UBN2: variants seen among roughly 807,000 people sequenced by gnomAD.
The protein encoded by UBN2 is ubinuclein-2.
In UBN2, 35 loss-of-function variants were observed where a neutral mutation model predicts 120.2. The ratio of observed to expected loss-of-function variants is 0.29; its 90% confidence interval spans 0.22 to 0.39. The LOEUF (loss-of-function observed/expected upper bound fraction) is 0.39, where lower values mean the gene tolerates loss of function less well. Among genes scored for constraint, UBN2 ranks in the 10% least tolerant of loss-of-function variants. The pLI is 1.00. For missense variants in UBN2, 1,693 were observed against 1,663.2 expected (o/e 1.02, Z -0.31); for synonymous variants, 661 against 648.7 (o/e 1.02, Z -0.29).
the UBN2 span, among the ~76,000 whole-genome samples, chr7:139,317,146 C>T: frequency 1.3e-5 from 2 of 151,808 alleles, no homozygotes; most frequent in African/African-American, 2.4e-5. Flanking sequence ...GTTTGATGTT[C>T]CACAAGACCT....
the UBN2 span, among the ~76,000 whole-genome samples, chr7:139,321,380 C>T: frequency 1.3e-5 from 2 of 152,204 alleles, no homozygotes; most frequent in Non-Finnish European, 2.9e-5. Context: ...TTCAAGAGGA[C>T]CATTTCGGAA....
At chr7:139,250,800 C>A (rs1796605020) in intron 2 of UBN2, among the ~76,000 whole-genome samples, 1 of 152,006 alleles carries the variant, frequency 6.6e-6, no homozygotes, top group Non-Finnish European at 1.5e-5. Flanking sequence ...GTGTATAATT[C>A]TAATTATTAA....
chr7:139,293,667 C>T (rs2131065911), intron 16 of UBN2: 1 of 637,808 alleles, frequency 1.6e-6, no homozygotes. Context: ...CTATCTATAC[C>T]ACATTTCCAT....
chr7:139,258,948 C>G (rs1796846542), intron 4 of UBN2, among the ~76,000 whole-genome samples: 1 of 152,092 alleles, frequency 6.6e-6, no homozygotes, highest in Non-Finnish European at 1.5e-5. Flanking sequence ...TTAACAAAAT[C>G]TATAGAATTT....
chr7:139,282,049 G>C lies in UBN2; in HGVS notation c.2112G>C (p.Met704Ile). ...KTLPLHSFPT[M>I]LKECSPKKDQ... ...TTCCTCTCCATTCTTTCCCCACTAT[G>C]CTTAAGGTAAGTGCTATGGTTGTAT... The change falls in exon 14 of 18, where the codon ATG (methionine) becomes ATC (isoleucine). Residue 704 changes from methionine (M) to isoleucine (I), a missense_variant. By Grantham distance (10) the Met-to-Ile change is conservative. Coordinates refer to ENST00000473989, the MANE Select transcript of UBN2 (RefSeq NM_173569.4). 2 of 1,613,400 alleles carry C rather than the reference G, an allele frequency of 1.2e-6. No individual in the cohort carries two copies. Among genetic ancestry groups the C allele is most frequent in the Non-Finnish European group, 1.7e-6 (2 of 1,179,524 alleles).
chr7:139,305,131 A>G lies in UBN2; in HGVS notation c.*7295A>G, dbSNP rs1240886254. The G allele has an allele frequency of 6.6e-6, 1 of 152,224 alleles. No individual in the cohort carries two copies. Among genetic ancestry groups the G allele is most frequent in the East Asian group, 1.9e-4 (1 of 5,202 alleles). 9.4% of individuals were successfully genotyped at this position (152,224 alleles called of 1,614,324 possible). On this transcript the variant is annotated 3_prime_UTR_variant, in exon 18 of 18. Coordinates refer to ENST00000473989, the MANE Select transcript of UBN2 (RefSeq NM_173569.4). The stretch of plus-strand genomic sequence containing the variant: ...CTGAGAGTTTTAGATTATATGACAC[A>G]ATGTTCAGGTTTATAGAGCTGAATG...
At chr7:139,265,236 C>G (rs1797060025) in intron 6 of UBN2, among the ~76,000 whole-genome samples, 1 of 152,088 alleles carries the variant, frequency 6.6e-6, no homozygotes, top group Admixed American at 6.5e-5. Context: ...TGGCCCACAC[C>G]TGTAATCCCA....
At chr7:139,247,774 T>C (rs1033432554) in intron 2 of UBN2, among the ~76,000 whole-genome samples, 16 of 152,182 alleles carry the variant, frequency 1.1e-4, no homozygotes, top group African/African-American at 3.6e-4. Context: ...TAATTCCCCA[T>C]ACTAGTAGTC....
rs574921996 is a variant in UBN2 at position 139,248,730 on chromosome 7, A to G, written c.562-3226A>G. Among the ~76,000 whole-genome samples the G allele has an allele frequency of 2.4e-3, 360 of 152,114 alleles. 2 individuals are homozygous for G. Among genetic ancestry groups the G allele is most frequent in the Non-Finnish European group, 3.0e-3 (203 of 67,978 alleles). The stretch of plus-strand genomic sequence containing the variant: ...TTTGTCTGTGGATTTTTATATATTT[A>G]TTAGATCTCTTCCTCTCTCTCTCAG... On this transcript the variant is annotated intron_variant, in intron 2 of 17. Transcript: ENST00000473989.
chr7:139,269,033 C>G (rs1009678594), intron 7 of UBN2, among the ~76,000 whole-genome samples: 3 of 151,984 alleles, frequency 2.0e-5, no homozygotes, highest in Non-Finnish European at 2.9e-5. Flanking sequence ...ATGGTGAAAC[C>G]CCATCTCTAC....
chr7:139,267,408 C>T (rs6970363), intron 7 of UBN2, among the ~76,000 whole-genome samples: 5,603 of 151,892 alleles, frequency 0.037, 357 homozygotes, highest in African/African-American at 0.12. Flanking sequence ...TGGTAGTGCA[C>T]ACCTATCATG....
rs1168869818 is a variant in UBN2, at chr7:139,303,133, G to A, written c.*5297G>A. On this transcript the variant is annotated 3_prime_UTR_variant, in exon 18 of 18. Coordinates refer to ENST00000473989, the MANE Select transcript of UBN2 (RefSeq NM_173569.4). ...AGGTTAATAAACTCAGAAGTAGAAA[G>A]ACTTCAGATGCTGAGGAAAACATAT... The A allele has an allele frequency of 6.6e-6, 1 of 152,196 alleles. No individual in the cohort carries two copies. Among genetic ancestry groups the A allele is most frequent in the Non-Finnish European group, 1.5e-5 (1 of 68,034 alleles). 9.4% of individuals were successfully genotyped at this position (152,196 alleles called of 1,614,324 possible).
chr7:139,240,414 A>C (rs1164968911), intron 2 of UBN2, among the ~76,000 whole-genome samples: 3 of 146,014 alleles, frequency 2.1e-5, no homozygotes, highest in Non-Finnish European at 4.5e-5. Context: ...GATATGAGCC[A>C]CTGTACCCAG....
At chr7:139,287,504 T>C (rs1287011046) in intron 15 of UBN2, among the ~76,000 whole-genome samples, 2 of 152,182 alleles carry the variant, frequency 1.3e-5, no homozygotes, top group African/African-American at 4.8e-5. Flanking sequence ...CATTATTGAT[T>C]GCAAAAGAAC....
the UBN2 span, among the ~76,000 whole-genome samples, chr7:139,316,263 T>A: frequency 6.6e-6 from 1 of 152,016 alleles, no homozygotes; most frequent in Non-Finnish European, 1.5e-5. Flanking sequence ...TTCATGTGCT[T>A]AGTAAGTTCT....
At chr7:139,251,918 T>C (rs370352512) in intron 2 of UBN2, 38 bp from the exon 3 acceptor site, 1 of 1,577,132 alleles carries the variant, frequency 6.3e-7, no homozygotes. Flanking sequence ...GGAAACAGCA[T>C]GAGTACCAAA....
intron 2 of UBN2, among the ~76,000 whole-genome samples, chr7:139,246,605 G>A (rs1311283530): frequency 6.6e-6 from 1 of 152,170 alleles, no homozygotes; most frequent in Non-Finnish European, 1.5e-5. Context: ...TAAGCGTACA[G>A]TTTGATGGAT....
At chr7:139,326,262 A>G in the UBN2 span, among the ~76,000 whole-genome samples, 2 of 151,606 alleles carry the variant, frequency 1.3e-5, no homozygotes, top group African/African-American at 4.9e-5. Context: ...TCTCAAAACA[A>G]ACAAACAAAC....
At chr7:139,279,705 G>A (rs559728209) in intron 13 of UBN2, among the ~76,000 whole-genome samples, 4 of 152,264 alleles carry the variant, frequency 2.6e-5, no homozygotes, top group South Asian at 4.1e-4. Context: ...TTAATCTGTC[G>A]CTTACACTTT....
Sources: allele counts gnomAD v4.1 joint callset (sites outside exome capture counted in the v4.1 genomes callset), GRCh38; gene constraint gnomAD v4.1.1; transcripts MANE v1.5; gene names NCBI Gene and HGNC (gene_info 2026-07-23, HGNC 2026-07-21).